The following NRG1 variants were observed in gnomAD, a reference collection of about 807,000 sequenced individuals.
The protein encoded by NRG1 is pro-neuregulin-1, membrane-bound isoform.
Under a neutral mutation model 63.8 loss-of-function variants are expected in NRG1, and 18 were observed. The ratio of observed to expected loss-of-function variants is 0.28; its 90% confidence interval spans 0.19 to 0.42. The LOEUF (loss-of-function observed/expected upper bound fraction) is 0.42, where lower values mean the gene tolerates loss of function less well. Among genes scored for constraint, NRG1 ranks in the 10% least tolerant of loss-of-function variants. The probability of loss-of-function intolerance (pLI) is 1.00; values close to 1 mark genes in which losing one functional copy is unlikely to be tolerated. For synonymous variants in NRG1, 302 were observed against 301.3 expected, an observed-to-expected ratio of 1.00 and a Z score of -0.02; for missense variants, 762 against 814.7, an observed-to-expected ratio of 0.94 and a Z score of 0.79.
At chr8:32,147,318 T>C (rs1472587944) in intron 1 of NRG1, among the ~76,000 whole-genome samples, 2 of 152,244 alleles carry the variant, frequency 1.3e-5, no homozygotes, top group African/African-American at 4.8e-5. Context: ...ATATTCACCA[T>C]AGTTTTGTTG....
At chr8:31,876,452 G>T (rs758166646) in intron 1 of NRG1, among the ~76,000 whole-genome samples, 1 of 152,134 alleles carries the variant, frequency 6.6e-6, no homozygotes, top group Non-Finnish European at 1.5e-5. Context: ...ATGTGCTTCA[G>T]TGTCTTTGAT....
chr8:32,340,896 C>T (rs1354672223), intron 1 of NRG1, among the ~76,000 whole-genome samples: 1 of 152,172 alleles, frequency 6.6e-6, no homozygotes, highest in East Asian at 1.9e-4. Flanking sequence ...TTATGCACTG[C>T]CTGTTGCTGC....
chr8:32,622,493 C>T (rs1423251355), intron 5 of NRG1, among the ~76,000 whole-genome samples: 2 of 152,232 alleles, frequency 1.3e-5, no homozygotes, highest in Admixed American at 6.5e-5. Context: ...GCCTTGACCT[C>T]CTGGGCTCAA....
Position 32,020,593 on chromosome 8 carries a change from C to T in NRG1, c.37+381162C>T, listed in dbSNP as rs1167437053. On this transcript the variant is annotated intron_variant, in intron 1 of 10. Coordinates refer to the NRG1 transcript ENST00000519301. ...TCTATGGTATCATGTTATTAATTCT[C>T]TAGTGAAACCATAGTTTGTATTTAG... Among the ~76,000 whole-genome samples the T allele has an allele frequency of 6.6e-5, 10 of 152,246 alleles. No individual in the cohort carries two copies. In the East Asian group the frequency reaches 1.7e-3, roughly 26 times the overall value.
At chr8:32,524,266 C>T (rs1176256315) in intron 1 of NRG1, among the ~76,000 whole-genome samples, 1 of 152,052 alleles carries the variant, frequency 6.6e-6, no homozygotes, top group Non-Finnish European at 1.5e-5. Context: ...AGCCTCTTAC[C>T]TTAGCTTCCT....
intron 1 of NRG1, among the ~76,000 whole-genome samples, chr8:32,345,483 G>C (rs752381039): frequency 6.6e-6 from 1 of 152,148 alleles, no homozygotes; most frequent in Admixed American, 6.5e-5. Flanking sequence ...AGAGCAATTA[G>C]ACAGTTTGAG....
chr8:31,847,229 A>G (rs1455177758), intron 1 of NRG1, among the ~76,000 whole-genome samples: 1 of 152,222 alleles, frequency 6.6e-6, no homozygotes, highest in Non-Finnish European at 1.5e-5. Flanking sequence ...TATGCCAACA[A>G]CATATTAAAT....
intron 1 of NRG1, among the ~76,000 whole-genome samples, chr8:32,051,927 A>T (rs1190874688): frequency 1.3e-5 from 2 of 152,202 alleles, no homozygotes; most frequent in Non-Finnish European, 2.9e-5. Context: ...GGTTGTTGAG[A>T]CATTAAAATA....
At chr8:32,197,105 G>A (rs1389815122) in intron 1 of NRG1, among the ~76,000 whole-genome samples, 5 of 151,074 alleles carry the variant, frequency 3.3e-5, no homozygotes, top group East Asian at 2.0e-4. Flanking sequence ...AATTACAGGC[G>A]CCCACCACTA....
At chr8:32,526,903 C>A (rs923253960) in intron 1 of NRG1, among the ~76,000 whole-genome samples, 4 of 152,152 alleles carry the variant, frequency 2.6e-5, no homozygotes, top group Admixed American at 6.5e-5. Flanking sequence ...GTCTACAGGG[C>A]TCCATTTGTA....
intron 1 of NRG1, among the ~76,000 whole-genome samples, chr8:31,869,033 A>G (rs1829247155): frequency 6.6e-6 from 1 of 152,242 alleles, no homozygotes; most frequent in South Asian, 2.1e-4. Context: ...AATTGTGGTG[A>G]AGCAATTGTC....
intron 1 of NRG1, among the ~76,000 whole-genome samples, chr8:32,318,845 G>A (rs560155957): frequency 1.3e-5 from 2 of 152,068 alleles, no homozygotes; most frequent in East Asian, 1.9e-4. Flanking sequence ...TTAATCCCAC[G>A]TTTTCCCTGC....
chr8:32,479,842 G>C (rs374970905), intron 1 of NRG1, among the ~76,000 whole-genome samples: 3 of 152,106 alleles, frequency 2.0e-5, no homozygotes, highest in African/African-American at 7.2e-5. Context: ...CAGGGATAGG[G>C]TTTCACCAGG....
chr8:32,535,692 T>A (rs188445932), intron 1 of NRG1, among the ~76,000 whole-genome samples: 1 of 152,336 alleles, frequency 6.6e-6, no homozygotes, highest in East Asian at 1.9e-4. Context: ...CATCTGCTCT[T>A]TGTGAATTTT....
chr8:32,114,720 T>C (rs1832473614), intron 1 of NRG1, among the ~76,000 whole-genome samples: 1 of 152,176 alleles, frequency 6.6e-6, no homozygotes, highest in Non-Finnish European at 1.5e-5. Flanking sequence ...CAAAGAGCTA[T>C]AGGTCATGTG....
At chr8:32,000,001 A>G (rs1405593884) in intron 1 of NRG1, among the ~76,000 whole-genome samples, 1 of 152,026 alleles carries the variant, frequency 6.6e-6, no homozygotes, top group African/African-American at 2.4e-5. Context: ...ATAGAATTGT[A>G]TGAACAAAGG....
chr8:31,809,608 A>G (rs1822654492), intron 1 of NRG1, among the ~76,000 whole-genome samples: 1 of 150,852 alleles, frequency 6.6e-6, no homozygotes, highest in African/African-American at 2.4e-5. Flanking sequence ...TTTTATTTTT[A>G]AAGTGATTAT....
At chr8:32,020,300 T>C (rs573208006) in intron 1 of NRG1, among the ~76,000 whole-genome samples, 2 of 152,234 alleles carry the variant, frequency 1.3e-5, no homozygotes, top group Non-Finnish European at 2.9e-5. Flanking sequence ...TTGTTATTAT[T>C]ATATGAAATT....
intron 1 of NRG1, among the ~76,000 whole-genome samples, chr8:32,525,390 G>GA (rs1563584023): frequency 9.5e-5 from 12 of 126,702 alleles, no homozygotes; most frequent in Admixed American, 8.6e-4. Context: ...CATGAGGTAG[G>GA]GGTGTGTGTG....
Sources: gnomAD v4.1 joint callset for allele counts (sites outside exome capture counted in the v4.1 genomes callset) on GRCh38, gnomAD v4.1.1 for gene constraint, MANE v1.5 for transcripts, NCBI Gene and HGNC (gene_info 2026-07-23, HGNC 2026-07-21) for gene names.